CHMP3: variants seen among roughly 807,000 people sequenced by gnomAD.
CHMP3 encodes 25.1 protein.
Under a neutral mutation model 27.4 loss-of-function variants are expected in CHMP3, and 8 were observed. That is an observed-to-expected ratio of 0.29 (90% CI 0.17 to 0.53). The LOEUF is 0.53. Among genes scored for constraint, CHMP3 ranks in the 20% least tolerant of loss-of-function variants. CHMP3 has a pLI of 0.96. For synonymous variants in CHMP3, 86 were observed against 85.5 expected, an observed-to-expected ratio of 1.01 and a Z score of -0.03; for missense variants, 208 against 271.5, an observed-to-expected ratio of 0.77 and a Z score of 1.64.
chr2:86,562,091 C>T (rs1010863517), intron 1 of CHMP3: 36 of 152,144 alleles, frequency 2.4e-4, no homozygotes, highest in Admixed American at 1.9e-3. Context: ...TACCAAGGAG[C>T]AAAACTGAGT....
chr2:86,544,645 G>A (rs913433911), intron 1 of CHMP3, among the ~76,000 whole-genome samples: 7 of 152,164 alleles, frequency 4.6e-5, no homozygotes, highest in Admixed American at 2.0e-4. Flanking sequence ...ATGTTTCAGA[G>A]AGCACCGGGT....
intron 3 of CHMP3, 196 bp from the exon 4 acceptor site, chr2:86,510,675 T>C (rs530103352): frequency 1.0e-4 from 70 of 700,154 alleles, no homozygotes; most frequent in African/African-American, 9.4e-4. Context: ...GGGTTACTAC[T>C]GATGTGAATT....
At chr2:86,540,017 T>C (rs771401687) in intron 2 of CHMP3, among the ~76,000 whole-genome samples, 2 of 152,152 alleles carry the variant, frequency 1.3e-5, no homozygotes, top group Non-Finnish European at 2.9e-5. Context: ...TTTCTCACCA[T>C]ATGAAAGATA....
chr2:86,543,745 G>GT (rs1676451479), intron 1 of CHMP3, among the ~76,000 whole-genome samples: 2 of 152,080 alleles, frequency 1.3e-5, no homozygotes, highest in Non-Finnish European at 2.9e-5. Flanking sequence ...ACCTCTCTCT[G>GT]TTTTTTATTT....
intron 2 of CHMP3, among the ~76,000 whole-genome samples, chr2:86,537,960 C>A (rs908702766): frequency 2.0e-5 from 3 of 152,188 alleles, no homozygotes; most frequent in African/African-American, 7.2e-5. Flanking sequence ...AAACAGATAT[C>A]TGTACATCCA....
chr2:86,534,090 A>C (rs1676029963), intron 2 of CHMP3, among the ~76,000 whole-genome samples: 2 of 152,090 alleles, frequency 1.3e-5, no homozygotes, highest in Admixed American at 1.3e-4. Context: ...TTTACAGTCT[A>C]ACATATGGTC....
chr2:86,560,670 G>T (rs768418320), intron 1 of CHMP3, among the ~76,000 whole-genome samples: 1 of 151,062 alleles, frequency 6.6e-6, no homozygotes, highest in Admixed American at 6.6e-5. Context: ...AAAACTGCAC[G>T]TTCTGCACAT....
chr2:86,533,664 C>T (rs1676010379), intron 2 of CHMP3, among the ~76,000 whole-genome samples: 1 of 152,226 alleles, frequency 6.6e-6, no homozygotes, highest in South Asian at 2.1e-4. Context: ...ACCACAGCAC[C>T]TAGCTAACTT....
chr2:86,528,695 A>C (rs999737492), intron 3 of CHMP3, among the ~76,000 whole-genome samples: 2 of 152,202 alleles, frequency 1.3e-5, no homozygotes, highest in Non-Finnish European at 2.9e-5. Flanking sequence ...TCCTATTTTA[A>C]ATATCATGAG....
At chr2:86,515,669 C>T (rs1675273655) in intron 3 of CHMP3, among the ~76,000 whole-genome samples, 1 of 151,924 alleles carries the variant, frequency 6.6e-6, no homozygotes. Context: ...ATTCCCAGTG[C>T]CTAGCACTGT....
intron 2 of CHMP3, among the ~76,000 whole-genome samples, chr2:86,536,582 C>T (rs554616961): frequency 6.6e-6 from 1 of 152,268 alleles, no homozygotes; most frequent in South Asian, 2.1e-4. Flanking sequence ...TTACGAGGAT[C>T]CTTTGTATGT....
chr2:86,531,599 C>T (rs908796527), intron 2 of CHMP3, among the ~76,000 whole-genome samples: 2 of 152,122 alleles, frequency 1.3e-5, no homozygotes, highest in Admixed American at 6.5e-5. Context: ...ATAGTTTTAG[C>T]TCTTACATTT....
At chr2:86,537,415 A>G (rs1676191197) in intron 2 of CHMP3, among the ~76,000 whole-genome samples, 1 of 152,104 alleles carries the variant, frequency 6.6e-6, no homozygotes, top group South Asian at 2.1e-4. Flanking sequence ...AGTTCTTTGC[A>G]CATCGATACT....
chr2:86,510,578 T>C (rs1429277931), intron 3 of CHMP3, 99 bp from the exon 4 acceptor site: 2 of 1,510,554 alleles, frequency 1.3e-6, no homozygotes, highest in Non-Finnish European at 1.8e-6. Flanking sequence ...CAGTAGCAGA[T>C]GGACTCCCGA....
intron 3 of CHMP3, among the ~76,000 whole-genome samples, chr2:86,514,067 A>T (rs1036918619): frequency 8.5e-5 from 13 of 152,256 alleles, no homozygotes; most frequent in African/African-American, 2.7e-4. Context: ...TTATAAATAT[A>T]TCTTAAGAAT....
chr2:86,545,947 T>C (rs1434260875), intron 1 of CHMP3, among the ~76,000 whole-genome samples: 3 of 151,952 alleles, frequency 2.0e-5, no homozygotes, highest in Non-Finnish European at 4.4e-5. Flanking sequence ...CACTCCTCAC[T>C]TCCTAGACGG....
At chr2:86,556,315 C>T (rs1312053113) in intron 1 of CHMP3, among the ~76,000 whole-genome samples, 2 of 152,136 alleles carry the variant, frequency 1.3e-5, no homozygotes, top group African/African-American at 4.8e-5. Flanking sequence ...TAGAAATCAG[C>T]CAAAAGCAAC....
At chr2:86,514,554 C>A (rs76572926) in intron 3 of CHMP3, among the ~76,000 whole-genome samples, 1 of 152,244 alleles carries the variant, frequency 6.6e-6, no homozygotes, top group African/African-American at 2.4e-5. Flanking sequence ...ATTCAAAAAC[C>A]AAGAACACAC....
At chr2:86,518,185 G>A (rs1387320566) in intron 3 of CHMP3, among the ~76,000 whole-genome samples, 2 of 152,134 alleles carry the variant, frequency 1.3e-5, no homozygotes, top group Non-Finnish European at 2.9e-5. Context: ...AAACATTTGA[G>A]CCTCAAAAGT....
Sources: gnomAD v4.1 joint callset for allele counts (sites outside exome capture counted in the v4.1 genomes callset) on GRCh38, gnomAD v4.1.1 for gene constraint, MANE v1.5 for transcripts, NCBI Gene and HGNC (gene_info 2026-07-23, HGNC 2026-07-21) for gene names.